NEDD4L: variants seen among roughly 807,000 people sequenced by gnomAD.
The protein encoded by NEDD4L is NEDD4 like E3 ubiquitin protein ligase, also known as E3 ubiquitin-protein ligase NEDD4-like.
NEDD4L carries 54 observed loss-of-function variants against 148.9 expected under a neutral mutation model. That is an observed-to-expected ratio of 0.36 (90% CI 0.29 to 0.45). NEDD4L has a LOEUF of 0.45. Ranked by LOEUF, NEDD4L falls within the 20% of genes least tolerant of loss-of-function variation. The pLI is 1.00. For synonymous variants in NEDD4L, 433 were observed against 440.7 expected (o/e 0.98, Z 0.22); for missense variants, 856 against 1,233.8 (o/e 0.69, Z 4.59).
At position 58,385,511 on chromosome 18, in the gene NEDD4L, T is replaced by C. The variant is rs1247946094; in HGVS notation, c.2427-15T>C. The C allele has an allele frequency of 6.2e-7, 1 of 1,610,246 alleles. No homozygotes were observed. The highest frequency in any genetic ancestry group is 8.5e-7 in the Non-Finnish European group (1 of 1,176,448). Reference sequence around the variant, plus strand: ...TGATGGAGGTGGTTCAATATTGTCCTCTTTTCTCCTGCAGCTTAGTCATCC... The same window carrying C: ...TGATGGAGGTGGTTCAATATTGTCCCCTTTTCTCCTGCAGCTTAGTCATCC... On this transcript the variant is annotated splice_polypyrimidine_tract_variant and intron_variant, in intron 25 of 30. Transcript: ENST00000400345.
chr18:58,213,748 G>T (rs1257416560), intron 2 of NEDD4L, among the ~76,000 whole-genome samples: 2 of 150,700 alleles, frequency 1.3e-5, no homozygotes, highest in South Asian at 2.1e-4. Context: ...TTTGGTTTTT[G>T]TTGTTGTTGT....
At chr18:58,277,311 G>A (rs2052273636) in intron 5 of NEDD4L, among the ~76,000 whole-genome samples, 1 of 152,134 alleles carries the variant, frequency 6.6e-6, no homozygotes, top group Admixed American at 6.5e-5. Context: ...GTAATCCTAG[G>A]ATAATCCCCG....
chr18:58,255,868 G>A, intron 5 of NEDD4L: 2 of 1,232,392 alleles, frequency 1.6e-6, no homozygotes, highest in African/African-American at 3.1e-5. Context: ...TCATCCCGCA[G>A]CTCTTGACCA....
chr18:58,113,834 G>T (rs1380944891), intron 1 of NEDD4L, among the ~76,000 whole-genome samples: 1 of 152,136 alleles, frequency 6.6e-6, no homozygotes, highest in Non-Finnish European at 1.5e-5. Flanking sequence ...GTGTGGGGTT[G>T]GTGGCAAGAA....
At chr18:58,057,032 G>A (rs765397275) in intron 1 of NEDD4L, among the ~76,000 whole-genome samples, 9 of 151,814 alleles carry the variant, frequency 5.9e-5, no homozygotes, top group African/African-American at 9.7e-5. Flanking sequence ...ACCAGTCACC[G>A]TGGCAAGGAG....
intron 22 of NEDD4L, among the ~76,000 whole-genome samples, chr18:58,370,141 C>G (rs189046153): frequency 4.6e-5 from 7 of 152,280 alleles, no homozygotes; most frequent in African/African-American, 1.7e-4. Context: ...TCTGCTTGAC[C>G]TTGAAGCTCA....
At chr18:58,372,399 A>G (rs1305313564) in intron 23 of NEDD4L, 2 of 151,964 alleles carry the variant, frequency 1.3e-5, no homozygotes, top group African/African-American at 2.4e-5. Flanking sequence ...GATTATAGGC[A>G]TGAGCCAGCA....
intron 28 of NEDD4L, 55 bp downstream of exon 28, chr18:58,389,247 G>T (rs1230446781): frequency 7.8e-7 from 1 of 1,274,374 alleles, no homozygotes; most frequent in Admixed American, 1.8e-5. Context: ...AGGATTGAGG[G>T]CTGTGTGGCG....
chr18:58,275,594 G>A (rs572457276), intron 5 of NEDD4L, among the ~76,000 whole-genome samples: 1 of 152,274 alleles, frequency 6.6e-6, no homozygotes, highest in South Asian at 2.1e-4. Flanking sequence ...AGTCTGATAC[G>A]AGGCCTTCTT....
chr18:58,261,229 C>CTA (rs1261117686), intron 5 of NEDD4L, among the ~76,000 whole-genome samples: 1 of 152,204 alleles, frequency 6.6e-6, no homozygotes, highest in Non-Finnish European at 1.5e-5. Flanking sequence ...GCTTCCTGAA[C>CTA]TATGCATTAT....
chr18:58,045,149 C>T (rs1293329351), intron 1 of NEDD4L: 3 of 398,962 alleles, frequency 7.5e-6, no homozygotes, highest in East Asian at 7.1e-5. Flanking sequence ...GGATCGTTTC[C>T]CCCTGGAACT....
At chr18:58,206,012 T>C (rs2041947659) in intron 2 of NEDD4L, among the ~76,000 whole-genome samples, 1 of 152,220 alleles carries the variant, frequency 6.6e-6, no homozygotes, top group African/African-American at 2.4e-5. Flanking sequence ...GCTTCCTTAA[T>C]TCCTTTAATT....
intron 1 of NEDD4L, among the ~76,000 whole-genome samples, chr18:58,101,829 CT>C (rs527887259): frequency 6.6e-6 from 1 of 151,968 alleles, no homozygotes; most frequent in African/African-American, 2.4e-5. Flanking sequence ...GGATGGAGAA[CT>C]TTTTTTTGTT....
rs951836722 is a variant in NEDD4L, at chr18:58,256,722, A to G, written c.297+4668A>G. ...CGGGGGCCGGAAGAAGCTCCCCAGA[A>G]TCCCGAGGAGAAAAGCGCCAAAAGC... On this transcript the variant is annotated intron_variant, in intron 5 of 30. Transcript: ENST00000400345. This position sits in a 1 kb window ranked among gnomAD's most constrained non-coding sequence, Gnocchi z 5.2. 8.1e-6 allele frequency: 10 copies of G among 1,232,012 alleles called. No individual in the cohort carries two copies. The highest frequency in any genetic ancestry group is 6.1e-6 in the Non-Finnish European group (6 of 988,060). The allele number at this position is 1,232,012 out of a possible 1,614,324, so 76.3% of individuals were successfully genotyped here.
chr18:58,172,719 A>C (rs576100823), intron 2 of NEDD4L, among the ~76,000 whole-genome samples: 44 of 152,346 alleles, frequency 2.9e-4, no homozygotes, highest in African/African-American at 9.4e-4. Context: ...GATTCTGCCT[A>C]AATCTTGTGA....
At chr18:58,323,905 C>T (rs1022346367) in intron 8 of NEDD4L, among the ~76,000 whole-genome samples, 2 of 152,156 alleles carry the variant, frequency 1.3e-5, no homozygotes, top group African/African-American at 4.8e-5. Context: ...TCAGCACACA[C>T]CTCGGCCAGT....
intron 25 of NEDD4L, among the ~76,000 whole-genome samples, chr18:58,384,758 G>A (rs568781741): frequency 8.5e-5 from 13 of 152,172 alleles, no homozygotes; most frequent in Non-Finnish European, 1.3e-4. Context: ...CTGAGAGGCC[G>A]CACAGTGGTT....
At chr18:58,350,290 TG>T (rs1176798717) in intron 17 of NEDD4L, among the ~76,000 whole-genome samples, 10 of 152,200 alleles carry the variant, frequency 6.6e-5, no homozygotes, top group African/African-American at 2.2e-4. Flanking sequence ...AGGGCAACAT[TG>T]GAGGCTGCGA....
intron 26 of NEDD4L, among the ~76,000 whole-genome samples, chr18:58,386,228 T>G (rs2049000018): frequency 1.3e-5 from 2 of 152,148 alleles, no homozygotes; most frequent in Middle Eastern, 3.2e-3. Flanking sequence ...AATTTTTGTA[T>G]TTTTAGTAGA....
Sources: gnomAD v4.1 joint callset for allele counts (sites outside exome capture counted in the v4.1 genomes callset) on GRCh38, gnomAD v4.1.1 for gene constraint, Gnocchi (gnomAD v3.1) non-coding constraint, MANE v1.5 for transcripts, NCBI Gene and HGNC (gene_info 2026-07-23, HGNC 2026-07-21) for gene names.